ARHGAP44: variants seen among roughly 807,000 people sequenced by gnomAD.
The protein encoded by ARHGAP44 is rho GTPase-activating protein 44.
Under a neutral mutation model 106.8 loss-of-function variants are expected in ARHGAP44, and 43 were observed. That is an observed-to-expected ratio of 0.40 (90% CI 0.32 to 0.52). The LOEUF is 0.52. Ranked by LOEUF, ARHGAP44 falls within the 20% of genes least tolerant of loss-of-function variation. The pLI is 0.48. For missense variants in ARHGAP44, 866 were observed against 1,050.5 expected (o/e 0.82, Z 2.43); for synonymous variants, 439 against 410.3 (o/e 1.07, Z -0.85).
chr17:12,828,632 C>CTTTGTTTTTTTTTTTT (rs2034993321), intron 1 of ARHGAP44, among the ~76,000 whole-genome samples: 1 of 108,100 alleles, frequency 9.3e-6, no homozygotes, highest in Non-Finnish European at 1.8e-5. Flanking sequence ...ATTTTTTTTT[C>CTTTGTTTTTTTTTTTT]TTTCTTTTTT....
chr17:12,949,510 A>T lies in ARHGAP44; in HGVS notation c.974-139A>T. 1.2e-6 allele frequency: 1 copy of T among 800,422 alleles called. No individual in the cohort carries two copies. Among genetic ancestry groups the T allele is most frequent in the Non-Finnish European group, 2.0e-6 (1 of 502,748 alleles). 49.6% of individuals were successfully genotyped at this position (800,422 alleles called of 1,614,324 possible). ...CTGTCAGAGCCTCATACCCATTTCCATAGGAAGCTACCATTTGCTGTTGAC... is the reference window on the plus strand; with the variant it reads ...CTGTCAGAGCCTCATACCCATTTCCTTAGGAAGCTACCATTTGCTGTTGAC... On this transcript the variant is annotated intron_variant, in intron 11 of 20. Coordinates refer to ENST00000379672, the MANE Select transcript of ARHGAP44 (RefSeq NM_014859.6). The surrounding 1 kb of genome is among the most constrained non-coding windows in gnomAD (Gnocchi z 4.1).
In ARHGAP44 at chr17:12,949,117, C is replaced by T; in HGVS notation, c.862-23C>T. Reference sequence around the variant, plus strand: ...TGTTGTACCTTGGAGTTGCTGTGCGCTGACCCTCTGTCCTGTTGGTAGGGA... The same window carrying T: ...TGTTGTACCTTGGAGTTGCTGTGCGTTGACCCTCTGTCCTGTTGGTAGGGA... On this transcript the variant is annotated intron_variant, in intron 10 of 20. Transcript: ENST00000379672. The surrounding 1 kb of genome is among the most constrained non-coding windows in gnomAD (Gnocchi z 4.1). The T allele has an allele frequency of 6.4e-7, 1 of 1,552,704 alleles. No individual in the cohort carries two copies.
rs74722449 is a variant in ARHGAP44, at chr17:12,835,569, G to A, written c.53+45678G>A. 5.0e-3 allele frequency among the ~76,000 whole-genome samples: 763 copies of A among 152,164 alleles called. 26 individuals carry two copies. In the East Asian group the frequency reaches 0.071, roughly 14 times the overall value. ...GTTAATACTCAGATTTCATAAGAAA[G>A]CATTATCGTGTTTTTACCGTGGTTA... On this transcript the variant is annotated intron_variant, in intron 1 of 20. Transcript: ENST00000379672.
chr17:12,885,931 G>A (rs780286440), intron 1 of ARHGAP44, among the ~76,000 whole-genome samples: 54 of 152,068 alleles, frequency 3.6e-4, no homozygotes, highest in Non-Finnish European at 7.5e-4. Context: ...ATTGTCTAAA[G>A]CAAGGTCACA....
At chr17:12,948,752 C>CACACACACACA (rs1221163562) in intron 10 of ARHGAP44, among the ~76,000 whole-genome samples, 1,743 of 140,880 alleles carry the variant, frequency 0.012, 55 homozygotes, top group Middle Eastern at 0.033. Context: ...ACACACACAC[C>CACACACACACA]CCCTGTAGAC....
rs965512222 is a variant in ARHGAP44, at chr17:12,797,984, A to G, written c.53+8093A>G. On this transcript the variant is annotated intron_variant, in intron 1 of 20. Coordinates refer to ENST00000379672, the MANE Select transcript of ARHGAP44 (RefSeq NM_014859.6). ...TGATTTGAATCTTTTATTAAATTATATATTTTTTCTTACTCTTTGTTGCTG... is the reference window on the plus strand; with the variant it reads ...TGATTTGAATCTTTTATTAAATTATGTATTTTTTCTTACTCTTTGTTGCTG... 5.9e-5 allele frequency among the ~76,000 whole-genome samples: 9 copies of G among 152,140 alleles called. No individual in the cohort carries two copies. The East Asian group carries it at 1.5e-3, about 26-fold the overall frequency.
chr17:12,832,158 A>G (rs2035108379), intron 1 of ARHGAP44, among the ~76,000 whole-genome samples: 2 of 152,150 alleles, frequency 1.3e-5, no homozygotes, highest in Non-Finnish European at 2.9e-5. Flanking sequence ...TTTTATTATT[A>G]CTCAAATCAG....
At chr17:12,792,874 C>A (rs777200328) in intron 1 of ARHGAP44, among the ~76,000 whole-genome samples, 1 of 152,182 alleles carries the variant, frequency 6.6e-6, no homozygotes, top group East Asian at 1.9e-4. Flanking sequence ...AGGGCGTCAG[C>A]GACTATGAAA....
chr17:12,815,535 A>T (rs1464796523), intron 1 of ARHGAP44, among the ~76,000 whole-genome samples: 1 of 152,200 alleles, frequency 6.6e-6, no homozygotes, highest in Non-Finnish European at 1.5e-5. Flanking sequence ...ATAGATTTTT[A>T]AACTATTATG....
chr17:12,802,927 TTATATATATATATATATATATATATATA>T (rs1159214788), intron 1 of ARHGAP44, among the ~76,000 whole-genome samples: 1 of 29,238 alleles, frequency 3.4e-5, no homozygotes, highest in Non-Finnish European at 6.0e-5. Context: ...CCTGGCTAAT[TTATATATATATATATATATATATATATA>T]TATATATATA....
At chr17:12,886,440 A>C (rs914467802) in intron 1 of ARHGAP44, among the ~76,000 whole-genome samples, 1 of 152,154 alleles carries the variant, frequency 6.6e-6, no homozygotes, top group Non-Finnish European at 1.5e-5. Flanking sequence ...CCAGATACAA[A>C]TACCACAGAC....
At chr17:12,838,518 C>T (rs2035301174) in intron 1 of ARHGAP44, among the ~76,000 whole-genome samples, 1 of 152,140 alleles carries the variant, frequency 6.6e-6, no homozygotes, top group Non-Finnish European at 1.5e-5. Context: ...AAAAAGTGCC[C>T]TAGTGCTCAC....
At chr17:12,795,650 C>A (rs58730090) in intron 1 of ARHGAP44, among the ~76,000 whole-genome samples, 1,595 of 151,806 alleles carry the variant, frequency 0.011, 26 homozygotes, top group African/African-American at 0.037. Context: ...TAGTAAGTAT[C>A]CCTTTTATTA....
intron 1 of ARHGAP44, among the ~76,000 whole-genome samples, chr17:12,845,911 T>C (rs561519920): frequency 6.6e-6 from 1 of 152,334 alleles, no homozygotes; most frequent in South Asian, 2.1e-4. Context: ...AGCCCATCTC[T>C]GTATATTGTG....
intron 1 of ARHGAP44, among the ~76,000 whole-genome samples, chr17:12,797,549 A>C (rs1323983667): frequency 2.0e-5 from 3 of 152,006 alleles, no homozygotes; most frequent in Non-Finnish European, 2.9e-5. Context: ...TTATCATGAG[A>C]CCCCGTCCAT....
chr17:12,871,507 T>C (rs8068823), intron 1 of ARHGAP44, among the ~76,000 whole-genome samples: 138,831 of 152,174 alleles, frequency 0.91, 63,482 homozygotes, highest in African/African-American at 0.93. Context: ...TCATGTCTTA[T>C]GTAGCCAGAG....
chr17:12,965,384 C>T (rs1000237484), intron 16 of ARHGAP44, among the ~76,000 whole-genome samples: 2 of 152,188 alleles, frequency 1.3e-5, no homozygotes, highest in Admixed American at 6.5e-5. Flanking sequence ...CAGCAGCCTC[C>T]CTTGAGCTCT....
chr17:12,986,763 G>A, intron 20 of ARHGAP44: 1 of 223,882 alleles, frequency 4.5e-6, no homozygotes, highest in Non-Finnish European at 8.7e-6. Flanking sequence ...AGAAATTGGG[G>A]AACAAAAGTG....
intron 1 of ARHGAP44, among the ~76,000 whole-genome samples, chr17:12,835,409 T>G (rs537285609): frequency 6.6e-6 from 1 of 152,154 alleles, no homozygotes; most frequent in African/African-American, 2.4e-5. Flanking sequence ...GCAGAAGAGA[T>G]AAATCAATAC....
Sources: allele counts gnomAD v4.1 joint callset (sites outside exome capture counted in the v4.1 genomes callset), GRCh38; gene constraint gnomAD v4.1.1; non-coding constraint Gnocchi (gnomAD v3.1); transcripts MANE v1.5; gene names NCBI Gene and HGNC (gene_info 2026-07-23, HGNC 2026-07-21).